The following NEK5 variants were observed in gnomAD, a reference collection of about 807,000 sequenced individuals.
NEK5 encodes the protein NIMA related kinase 5.
In NEK5, 88 loss-of-function variants were observed where a neutral mutation model predicts 109.2. The ratio of observed to expected loss-of-function variants is 0.81; its 90% CI spans 0.68 to 0.96. The LOEUF (loss-of-function observed/expected upper bound fraction) is 0.96, where lower values mean the gene tolerates loss of function less well. Among genes scored for constraint, NEK5 ranks in the 40% least tolerant of loss-of-function variants. NEK5 has a pLI of 0.00. For synonymous variants in NEK5, 283 were observed against 299.9 expected, an observed-to-expected ratio of 0.94 and a Z score of 0.58; for missense variants, 834 against 920.7, an observed-to-expected ratio of 0.91 and a Z score of 1.22.
Position 52,127,500 on chromosome 13 carries a change from G to A in NEK5, c.-18C>T, listed in dbSNP as rs1250327622. On this transcript the variant is annotated 5_prime_UTR_variant, in exon 3 of 24. Transcript: ENST00000684899. ...TTATCCATGGTCTCCAATGGGCTGA[G>A]TTTCCTGGAATTAGAGTAATGTAAA... 4.4e-6 allele frequency: 6 copies of A among 1,352,226 alleles called. No individual in the cohort carries two copies. In the South Asian group the frequency reaches 5.9e-5, roughly 13 times the overall value. 83.8% of individuals were successfully genotyped at this position (1,352,226 alleles called of 1,614,324 possible).
At chr13:52,041,682 C>A (rs1225334256) in intron 23 of NEK5, among the ~76,000 whole-genome samples, 1 of 125,926 alleles carries the variant, frequency 7.9e-6, no homozygotes, top group African/African-American at 2.9e-5. Context: ...GAGCCGAGAT[C>A]ACACCACTGC....
chr13:52,069,983 C>A (rs910095832), intron 20 of NEK5, among the ~76,000 whole-genome samples: 1 of 152,186 alleles, frequency 6.6e-6, no homozygotes, highest in Non-Finnish European at 1.5e-5. Flanking sequence ...GAGAACAGGG[C>A]CCAGATTTCA....
At chr13:52,065,305 T>C (rs970344867) in intron 21 of NEK5, 179 bp downstream of exon 21, 5 of 868,680 alleles carry the variant, frequency 5.8e-6, no homozygotes, top group Non-Finnish European at 3.9e-6. Flanking sequence ...TTGTCCAGGA[T>C]AATTAGCAGG....
intron 3 of NEK5, among the ~76,000 whole-genome samples, chr13:52,126,021 C>T (rs534283233): frequency 2.2e-4 from 33 of 152,206 alleles, no homozygotes; most frequent in African/African-American, 6.5e-4. Context: ...ATCATTTTAA[C>T]GATTTTTAAG....
intron 22 of NEK5, among the ~76,000 whole-genome samples, 196 bp downstream of exon 22, chr13:52,061,612 AAATTACACCAC>A (rs1456855395): frequency 3.3e-5 from 5 of 152,212 alleles, no homozygotes; most frequent in Admixed American, 3.3e-4. Flanking sequence ...GCATTAAAGA[AAATTACACCAC>A]TCTCCTGGAA....
intron 23 of NEK5, among the ~76,000 whole-genome samples, chr13:52,045,634 C>T (rs557455619): frequency 6.7e-6 from 1 of 148,566 alleles, no homozygotes; most frequent in African/African-American, 2.5e-5. Flanking sequence ...GCGTGGTGGC[C>T]GGCGCCTGTA....
chr13:52,057,790 T>C (rs1244879844), intron 22 of NEK5, among the ~76,000 whole-genome samples: 1 of 152,096 alleles, frequency 6.6e-6, no homozygotes, highest in Non-Finnish European at 1.5e-5. Context: ...TAGGTATTGA[T>C]GGGACGTATC....
intron 22 of NEK5, among the ~76,000 whole-genome samples, chr13:52,060,545 AG>A (rs534760067): frequency 3.2e-4 from 49 of 152,156 alleles, no homozygotes; most frequent in African/African-American, 9.6e-4. Flanking sequence ...AGTAGAGACG[AG>A]GTTTGGCCAG....
At position 52,035,539 on chromosome 13, in the gene NEK5, A is replaced by T. The variant is rs1026024513; in HGVS notation, c.*1409T>A. 3.9e-5 allele frequency: 6 copies of T among 152,204 alleles called. No individual in the cohort carries two copies. The highest frequency in any genetic ancestry group is 1.4e-4 in the African/African-American group (6 of 41,452). The allele number at this position is 152,204 out of a possible 1,614,324, so 9.4% of individuals were successfully genotyped here. A position where few individuals can be genotyped will look rare whatever the true frequency, so the allele number is the denominator to read the frequency against. On this transcript the variant is annotated 3_prime_UTR_variant, in exon 24 of 24. Coordinates refer to ENST00000684899, the MANE Select transcript of NEK5 (RefSeq NM_001365552.1). Reference sequence around the variant, plus strand: ...ATAAACATCTGTTAAGCTCCAGGCCATGTTCAACGTTGGAATTGTTATGAT... The same window carrying T: ...ATAAACATCTGTTAAGCTCCAGGCCTTGTTCAACGTTGGAATTGTTATGAT...
chr13:52,120,360 C>T (rs1955944016), intron 3 of NEK5, among the ~76,000 whole-genome samples: 1 of 151,644 alleles, frequency 6.6e-6, no homozygotes, highest in Non-Finnish European at 1.5e-5. Flanking sequence ...TTAAAAAATT[C>T]CTAACTACTA....
chr13:52,104,020 C>T (rs1348435108), intron 9 of NEK5, among the ~76,000 whole-genome samples: 2 of 152,080 alleles, frequency 1.3e-5, no homozygotes, highest in Admixed American at 6.6e-5. Flanking sequence ...AGTGCAGTGG[C>T]GCAATCTCAG....
Position 52,050,105 on chromosome 13 carries a change from T to A in NEK5, c.2227A>T (p.Thr743Ser), listed in dbSNP as rs1566729357. 7 of 967,792 alleles carry A rather than the reference T, an allele frequency of 7.2e-6. No homozygotes were observed. The highest frequency in any genetic ancestry group is 1.8e-5 in the African/African-American group (1 of 56,886). The allele number at this position is 967,792 out of a possible 1,614,324, so 60.0% of individuals were successfully genotyped here. A position where few individuals can be genotyped will look rare whatever the true frequency, so the allele number is the denominator to read the frequency against. Residue 743 changes from threonine to serine, a missense_variant and splice_region_variant, in exon 23 of 24, where the codon ACA becomes TCA. By Grantham distance (58) the Thr-to-Ser change is moderately conservative (BLOSUM62 1). This residue lies in a region of NEK5 where 57 missense variants were observed against 96.0 expected (regional missense o/e 0.59). Coordinates refer to ENST00000684899, the MANE Select transcript of NEK5 (RefSeq NM_001365552.1). ...QLEPRSDDDD[T>S]NFEESEDELR... is the part of the protein sequence containing the mutation. ...GGTATCGGCAAATGATCTACTTACGTATCATCATCATCAGATCTTGGTTCT... is the reference window on the plus strand; with the variant it reads ...GGTATCGGCAAATGATCTACTTACGAATCATCATCATCAGATCTTGGTTCT...
intron 12 of NEK5, among the ~76,000 whole-genome samples, chr13:52,095,712 A>G (rs919226110): frequency 2.0e-5 from 3 of 152,226 alleles, no homozygotes; most frequent in African/African-American, 7.2e-5. Context: ...ACACAGTGAG[A>G]CCCTGACTCT....
chr13:52,044,525 A>G (rs753179258), intron 23 of NEK5, among the ~76,000 whole-genome samples: 118 of 152,354 alleles, frequency 7.7e-4, no homozygotes, highest in Non-Finnish European at 2.8e-4. Flanking sequence ...AAATTGTGGT[A>G]TATCTACACA....
intron 4 of NEK5, among the ~76,000 whole-genome samples, chr13:52,114,071 C>T (rs985332310): frequency 1.3e-5 from 2 of 152,210 alleles, no homozygotes; most frequent in South Asian, 2.1e-4. Flanking sequence ...ATTTTCTGCT[C>T]TAACCAGCTT....
At chr13:52,048,289 TAGGC>T (rs967816008) in intron 23 of NEK5, among the ~76,000 whole-genome samples, 3 of 151,896 alleles carry the variant, frequency 2.0e-5, no homozygotes, top group African/African-American at 7.3e-5. Flanking sequence ...AAAATAAAAT[TAGGC>T]AGGCACAGTG....
chr13:52,125,910 A>G (rs1956056477), intron 3 of NEK5, among the ~76,000 whole-genome samples: 1 of 152,198 alleles, frequency 6.6e-6, no homozygotes, highest in South Asian at 2.1e-4. Context: ...AGAGACCTAT[A>G]TTGGGAAATA....
In NEK5 at chr13:52,034,962, G is replaced by C. The variant is rs1017937331; in HGVS notation, c.*1986C>G. ...TTAGGGATCATGTTTCATTTCCCTT[G>C]CTTTCAAATACAGTTCAGAATAAGG... is the stretch of plus-strand genomic sequence containing the variant. On this transcript the variant is annotated 3_prime_UTR_variant, in exon 24 of 24. Coordinates refer to ENST00000684899, the MANE Select transcript of NEK5 (RefSeq NM_001365552.1). 5.1e-5 allele frequency: 6 copies of C among 118,200 alleles called. No individual in the cohort carries two copies. Among genetic ancestry groups the C allele is most frequent in the African/African-American group, 1.6e-4 (5 of 31,344 alleles). The allele number at this position is 118,200 out of a possible 1,614,324, so 7.3% of individuals were successfully genotyped here. A position where few individuals can be genotyped will look rare whatever the true frequency, so the allele number is the denominator to read the frequency against.
At chr13:52,073,101 A>G (rs1006932547) in intron 19 of NEK5, among the ~76,000 whole-genome samples, 15 of 152,180 alleles carry the variant, frequency 9.9e-5, no homozygotes, top group Admixed American at 9.8e-4. Context: ...TACCTGTTCA[A>G]TTTTTTAGGT....
Sources: allele counts gnomAD v4.1 joint callset (sites outside exome capture counted in the v4.1 genomes callset), GRCh38; gene constraint gnomAD v4.1.1; regional missense constraint gnomAD v4.1.1; transcripts MANE v1.5; gene names NCBI Gene and HGNC (gene_info 2026-07-23, HGNC 2026-07-21).